Variants in PDZRN4 observed in about 807,000 individuals in gnomAD.
PDZRN4 encodes the protein PDZ domain-containing RING finger protein 4.
PDZRN4 carries 70 observed loss-of-function variants against 99.0 expected under a neutral mutation model. The observed-to-expected ratio is 0.71, with a 90% CI of 0.58 to 0.86. The LOEUF is 0.86. PDZRN4 is among the 40% of genes least tolerant of loss of function. The probability of loss-of-function intolerance (pLI) is 0.00; values close to 1 mark genes in which losing one functional copy is unlikely to be tolerated. For synonymous variants in PDZRN4, 551 were observed against 501.6 expected, an observed-to-expected ratio of 1.10 and a Z score of -1.32; for missense variants, 1,474 against 1,331.2, an observed-to-expected ratio of 1.11 and a Z score of -1.67.
intron 3 of PDZRN4, among the ~76,000 whole-genome samples, chr12:41,317,595 CA>C (rs1185353281): frequency 6.6e-6 from 1 of 151,978 alleles, no homozygotes; most frequent in Non-Finnish European, 1.5e-5. Flanking sequence ...GAAGCAAAAG[CA>C]AAACAAAGAA....
At position 41,324,498 on chromosome 12, in the gene PDZRN4, T is replaced by C. The variant is rs146965247; in HGVS notation, c.843+130310T>C. Reference sequence around the variant, plus strand: ...GAGCTGTCTATCCATTAACTACATATTTTCTCTTGTGTCTTTGGGAAAATA... The same window carrying C: ...GAGCTGTCTATCCATTAACTACATACTTTCTCTTGTGTCTTTGGGAAAATA... On this transcript the variant is annotated intron_variant, in intron 3 of 9. Transcript: ENST00000402685. Among the ~76,000 whole-genome samples the C allele has an allele frequency of 2.6e-3, 398 of 152,222 alleles. 4 individuals carry two copies. Among genetic ancestry groups the C allele is most frequent in the African/African-American group, 9.1e-3 (377 of 41,580 alleles).
intron 3 of PDZRN4, among the ~76,000 whole-genome samples, chr12:41,334,389 TAAA>T (rs59977032): frequency 1.2e-4 from 17 of 143,720 alleles, no homozygotes; most frequent in Admixed American, 1.4e-4. Context: ...AATGAAAAGT[TAAA>T]AAAAAAAAAA....
intron 3 of PDZRN4, among the ~76,000 whole-genome samples, chr12:41,243,422 T>A (rs991542141): frequency 6.6e-6 from 1 of 152,200 alleles, no homozygotes; most frequent in African/African-American, 2.4e-5. Flanking sequence ...ATATTGATTT[T>A]AAAATACTTC....
In PDZRN4 at chr12:41,249,987, T is replaced by C. The variant is rs142348791; in HGVS notation, c.843+55799T>C. ...TTCTCCAGGAAGCATAGTCGTGAGATAGAAATCTCAATTAAGGGGACAATT... is the reference window on the plus strand; with the variant it reads ...TTCTCCAGGAAGCATAGTCGTGAGACAGAAATCTCAATTAAGGGGACAATT... On this transcript the variant is annotated intron_variant, in intron 3 of 9. Transcript: ENST00000402685. 8.1e-3 allele frequency among the ~76,000 whole-genome samples: 1,232 copies of C among 152,318 alleles called. 7 individuals are homozygous for C. The highest frequency in any genetic ancestry group is 0.013 in the Non-Finnish European group (881 of 68,020).
At chr12:41,522,090 A>C (rs1032979849) in intron 5 of PDZRN4, among the ~76,000 whole-genome samples, 1 of 152,160 alleles carries the variant, frequency 6.6e-6, no homozygotes, top group Non-Finnish European at 1.5e-5. Context: ...CTATCTGCCA[A>C]GTAAAGACAG....
intron 3 of PDZRN4, among the ~76,000 whole-genome samples, chr12:41,464,820 CTTTT>C (rs5797739): frequency 1.9e-5 from 2 of 104,842 alleles, no homozygotes; most frequent in African/African-American, 3.7e-5. Context: ...GCCTGTTGTA[CTTTT>C]TTTTTTTTTT....
intron 8 of PDZRN4, among the ~76,000 whole-genome samples, chr12:41,567,132 T>C (rs1939387318): frequency 6.6e-6 from 1 of 152,210 alleles, no homozygotes; most frequent in African/African-American, 2.4e-5. Flanking sequence ...TCCACTGAGG[T>C]GTTTTTCCTA....
At chr12:41,261,520 C>T (rs1951239669) in intron 3 of PDZRN4, among the ~76,000 whole-genome samples, 2 of 152,172 alleles carry the variant, frequency 1.3e-5, no homozygotes, top group East Asian at 1.9e-4. Flanking sequence ...GATGGAGTCT[C>T]GCTCTATCGC....
chr12:41,226,772 T>C (rs1365366563), intron 3 of PDZRN4, among the ~76,000 whole-genome samples: 2 of 152,170 alleles, frequency 1.3e-5, no homozygotes, highest in East Asian at 1.9e-4. Context: ...ATGTTAAGGC[T>C]AGAAAAACTG....
At chr12:41,430,023 C>T (rs755966262) in intron 3 of PDZRN4, among the ~76,000 whole-genome samples, 8 of 152,164 alleles carry the variant, frequency 5.3e-5, no homozygotes, top group Non-Finnish European at 1.2e-4. Context: ...ATAAATAAAG[C>T]CAACTTTATA....
At chr12:41,224,084 C>T (rs1950976826) in intron 3 of PDZRN4, among the ~76,000 whole-genome samples, 1 of 152,226 alleles carries the variant, frequency 6.6e-6, no homozygotes, top group East Asian at 1.9e-4. Flanking sequence ...TGAGGCCTGC[C>T]AGGCAAAGCT....
At position 41,452,675 on chromosome 12, in the gene PDZRN4, A is replaced by C. The variant is rs181566822; in HGVS notation, c.844-53781A>C. Reference sequence around the variant, plus strand: ...TTAAAGTGTTAAATGCAATACATTTAATTTTTTTAATTTAAAATTTTAAAT... The same window carrying C: ...TTAAAGTGTTAAATGCAATACATTTCATTTTTTTAATTTAAAATTTTAAAT... On this transcript the variant is annotated intron_variant, in intron 3 of 9. Coordinates refer to ENST00000402685, the MANE Select transcript of PDZRN4 (RefSeq NM_001164595.2). Among the ~76,000 whole-genome samples the C allele has an allele frequency of 1.8e-3, 273 of 152,286 alleles. 1 individual carries two copies. Among genetic ancestry groups the C allele is most frequent in the African/African-American group, 5.8e-3 (239 of 41,556 alleles).
At chr12:41,504,155 G>C (rs1938163653) in intron 3 of PDZRN4, among the ~76,000 whole-genome samples, 1 of 152,152 alleles carries the variant, frequency 6.6e-6, no homozygotes, top group Non-Finnish European at 1.5e-5. Context: ...TGTTACCCCA[G>C]CTACTTGGGT....
chr12:41,541,589 G>A (rs1048795710), intron 5 of PDZRN4, among the ~76,000 whole-genome samples: 1 of 151,730 alleles, frequency 6.6e-6, no homozygotes, highest in Non-Finnish European at 1.5e-5. Flanking sequence ...GAGTAGCTGG[G>A]ACTACAGGCA....
chr12:41,227,265 C>T (rs1403361968), intron 3 of PDZRN4, among the ~76,000 whole-genome samples: 15 of 152,094 alleles, frequency 9.9e-5, no homozygotes, highest in Non-Finnish European at 2.1e-4. Flanking sequence ...TTCTGTTTAT[C>T]TTAAATCAAA....
chr12:41,317,048 G>GTATACATATATATATATATATA (rs374645706), intron 3 of PDZRN4, among the ~76,000 whole-genome samples: 2,851 of 69,454 alleles, frequency 0.041, 378 homozygotes, highest in Non-Finnish European at 0.071. Flanking sequence ...CTTACATAAA[G>GTATACATATATATATATATATA]TATATATATA....
chr12:41,526,696 T>C (rs879333846), intron 5 of PDZRN4, among the ~76,000 whole-genome samples: 1 of 152,230 alleles, frequency 6.6e-6, no homozygotes, highest in Non-Finnish European at 1.5e-5. Context: ...TTTTACAACT[T>C]TATGCACATA....
intron 3 of PDZRN4, among the ~76,000 whole-genome samples, chr12:41,442,978 T>A (rs546682134): frequency 1.9e-4 from 29 of 152,268 alleles, no homozygotes; most frequent in African/African-American, 7.0e-4. Flanking sequence ...TTCCTTAAAA[T>A]CAGAATAACA....
intron 8 of PDZRN4, among the ~76,000 whole-genome samples, chr12:41,564,622 C>T (rs1416973941): frequency 6.6e-6 from 1 of 152,086 alleles, no homozygotes; most frequent in East Asian, 1.9e-4. Flanking sequence ...ACCCTTTCTG[C>T]ATATATTTCG....
Sources: allele counts gnomAD v4.1 joint callset (sites outside exome capture counted in the v4.1 genomes callset), GRCh38; gene constraint gnomAD v4.1.1; transcripts MANE v1.5; gene names NCBI Gene and HGNC (gene_info 2026-07-23, HGNC 2026-07-21).